Variants in PCDHA1 observed in about 807,000 individuals in gnomAD.
The protein encoded by PCDHA1 is protocadherin alpha-1.
In PCDHA1, 42 loss-of-function variants were observed where a neutral mutation model predicts 61.3. The observed-to-expected ratio is 0.69, with a 90% CI of 0.54 to 0.89. The LOEUF (loss-of-function observed/expected upper bound fraction) is 0.89, where lower values mean the gene tolerates loss of function less well. Among genes scored for constraint, PCDHA1 ranks in the 40% least tolerant of loss-of-function variants. PCDHA1 has a pLI of 0.00. For missense variants in PCDHA1, 1,256 were observed against 1,235.3 expected, an observed-to-expected ratio of 1.02 and a Z score of -0.25; for synonymous variants, 610 against 553.8, an observed-to-expected ratio of 1.10 and a Z score of -1.43.
chr5:140,870,709 G>T (rs782475792), intron 1 of PCDHA1: 1 of 1,613,052 alleles, frequency 6.2e-7, no homozygotes, highest in Non-Finnish European at 8.5e-7. Context: ...CCAGGTGAGC[G>T]CGCGCGATGC....
intron 1 of PCDHA1, among the ~76,000 whole-genome samples, chr5:140,878,322 T>C (rs2057540228): frequency 6.6e-6 from 1 of 152,228 alleles, no homozygotes; most frequent in Non-Finnish European, 1.5e-5. Context: ...CATTTTCACA[T>C]TATATTCCAG....
chr5:140,801,378 C>T (rs1554121455), intron 1 of PCDHA1: 3 of 1,613,416 alleles, frequency 1.9e-6, no homozygotes, highest in Middle Eastern at 1.8e-4. Flanking sequence ...GGAGCTGGTG[C>T]CGCGCCTGTT....
chr5:140,829,347 CG>C (rs2150166374), intron 1 of PCDHA1: 1 of 1,614,114 alleles, frequency 6.2e-7, no homozygotes, highest in Non-Finnish European at 8.5e-7. Context: ...GAGAGCGTGT[CG>C]GCCTATGAGT....
intron 1 of PCDHA1, chr5:140,811,985 T>A (rs1765002946): frequency 7.4e-6 from 1 of 134,400 alleles, no homozygotes; most frequent in East Asian, 2.1e-4. Context: ...CTTTTGAAGA[T>A]TTATTTTTTA....
intron 1 of PCDHA1, chr5:140,834,529 C>G: frequency 6.2e-7 from 1 of 1,614,054 alleles, no homozygotes; most frequent in Non-Finnish European, 8.5e-7. Context: ...GGCCGCATCG[C>G]GCAGGACCTG....
chr5:140,897,383 C>T (rs1554187365), intron 1 of PCDHA1, among the ~76,000 whole-genome samples: 1 of 143,902 alleles, frequency 6.9e-6, no homozygotes, highest in African/African-American at 2.6e-5. Flanking sequence ...CTTCCCCTTC[C>T]TGTGTCCATG....
chr5:140,947,192 C>T (rs958443362), intron 1 of PCDHA1, among the ~76,000 whole-genome samples: 2 of 151,038 alleles, frequency 1.3e-5, no homozygotes, highest in Admixed American at 6.6e-5. Flanking sequence ...GTATACTACA[C>T]AGCCTTAAAA....
intron 1 of PCDHA1, among the ~76,000 whole-genome samples, chr5:140,924,896 AAAAAAAAAATAAAAT>A (rs1195249436): frequency 5.8e-5 from 4 of 69,076 alleles, no homozygotes; most frequent in Non-Finnish European, 9.1e-5. Flanking sequence ...ACCTGTCTCA[AAAAAAAAAATAAAAT>A]AAAATAAAAT....
intron 1 of PCDHA1, among the ~76,000 whole-genome samples, chr5:140,819,281 GA>G (rs1766526408): frequency 6.6e-6 from 1 of 152,032 alleles, no homozygotes; most frequent in Admixed American, 6.6e-5. Flanking sequence ...GATAAGAGAA[GA>G]AAAATATAGC....
In PCDHA1 at chr5:140,822,327, T is replaced by G. The variant is rs1006404493; in HGVS notation, c.2394+33643T>G. 24 of 1,613,994 alleles carry G rather than the reference T, an allele frequency of 1.5e-5. 1 individual carries two copies. In the East Asian group the frequency reaches 4.0e-4, roughly 27 times the overall value. On this transcript the variant is annotated intron_variant, in intron 1 of 3. Transcript: ENST00000504120. ...ATTTTGACTTAGATGTTAAAACAAA[T>G]GAAGAAGAAACGAACTTTTTAGAGC... is the stretch of plus-strand genomic sequence containing the variant.
chr5:140,840,170 C>T (rs1278225135), intron 1 of PCDHA1, among the ~76,000 whole-genome samples: 3 of 151,784 alleles, frequency 2.0e-5, no homozygotes, highest in African/African-American at 7.3e-5. Context: ...GGGATGTATA[C>T]AAATTTTAAA....
chr5:140,797,174 C>G, intron 1 of PCDHA1: 1 of 1,614,098 alleles, frequency 6.2e-7, no homozygotes, highest in Non-Finnish European at 8.5e-7. Context: ...CCAGGAAAGC[C>G]CACGCTGGTG....
chr5:140,972,884 G>A (rs763416041), intron 1 of PCDHA1, among the ~76,000 whole-genome samples: 4 of 151,972 alleles, frequency 2.6e-5, no homozygotes, highest in African/African-American at 7.3e-5. Flanking sequence ...GGATGGTCTC[G>A]ATCTCTTGAC....
chr5:140,842,210 C>G (rs782194934), intron 1 of PCDHA1: 1 of 1,613,418 alleles, frequency 6.2e-7, no homozygotes. Flanking sequence ...TAGCATAGAT[C>G]GAAATACGGG....
intron 1 of PCDHA1, among the ~76,000 whole-genome samples, chr5:140,976,583 G>A (rs1360171256): frequency 8.6e-5 from 13 of 151,966 alleles, no homozygotes; most frequent in African/African-American, 3.1e-4. Flanking sequence ...ATAAAACACA[G>A]ACTTTTGTGT....
chr5:140,843,387 C>A (rs2150358876), intron 1 of PCDHA1: 2 of 1,595,950 alleles, frequency 1.3e-6, no homozygotes, highest in East Asian at 4.5e-5. Context: ...GTTTTGGGTC[C>A]GGAAGCGGCG....
chr5:140,796,251 C>G, intron 1 of PCDHA1: 2 of 1,614,130 alleles, frequency 1.2e-6, no homozygotes, highest in South Asian at 1.1e-5. Flanking sequence ...CCGCACGGGA[C>G]GGGGGCTCGC....
chr5:140,796,112 G>A, intron 1 of PCDHA1: 1 of 1,614,188 alleles, frequency 6.2e-7, no homozygotes, highest in Non-Finnish European at 8.5e-7. Flanking sequence ...GGTACGAATG[G>A]ACATGTCACC....
chr5:140,924,318 G>C (rs550515387), intron 1 of PCDHA1, among the ~76,000 whole-genome samples: 71 of 152,282 alleles, frequency 4.7e-4, no homozygotes, highest in African/African-American at 1.3e-3. Context: ...AATTTTATCT[G>C]AGACTTGGTG....
Sources: allele counts gnomAD v4.1 joint callset (sites outside exome capture counted in the v4.1 genomes callset), GRCh38; gene constraint gnomAD v4.1.1; transcripts MANE v1.5; gene names NCBI Gene and HGNC (gene_info 2026-07-23, HGNC 2026-07-21).